CHIC2: variants seen among roughly 807,000 people sequenced by gnomAD.
CHIC2 encodes cysteine rich hydrophobic domain 2.
In CHIC2, 14 loss-of-function variants were observed where a neutral mutation model predicts 25.9. The observed-to-expected ratio is 0.54, with a 90% CI of 0.36 to 0.85. CHIC2 has a LOEUF of 0.85. Among genes scored for constraint, CHIC2 ranks in the 40% least tolerant of loss-of-function variants. CHIC2 has a pLI of 0.01. For missense variants in CHIC2, 146 were observed against 202.0 expected (o/e 0.72, Z 1.68); for synonymous variants, 70 against 72.0 (o/e 0.97, Z 0.14).
At chr4:54,091,356 T>C in the CHIC2 span, among the ~76,000 whole-genome samples, 1 of 152,090 alleles carries the variant, frequency 6.6e-6, no homozygotes, top group Non-Finnish European at 1.5e-5. Context: ...GCGTGCCTAG[T>C]GGGGAGGCGG....
At chr4:54,082,716 C>T in the CHIC2 span, among the ~76,000 whole-genome samples, 2 of 152,150 alleles carry the variant, frequency 1.3e-5, no homozygotes, top group Admixed American at 1.3e-4. Flanking sequence ...ATTCCAGTTC[C>T]ACTGTCAAAT....
chr4:54,041,550 A>G (rs1716578081), intron 3 of CHIC2, among the ~76,000 whole-genome samples: 1 of 152,156 alleles, frequency 6.6e-6, no homozygotes, highest in African/African-American at 2.4e-5. Flanking sequence ...AAGAAATCAC[A>G]GATTCTTCCT....
chr4:54,010,026 G>T lies in CHIC2; in HGVS notation c.*69C>A. The stretch of plus-strand genomic sequence containing the variant: ...TAGAACCAATGTTATGTCACCACCA[G>T]GAGAGCACCAAGCAAGGCACCATTG... On this transcript the variant is annotated 3_prime_UTR_variant, in exon 6 of 6. Coordinates refer to ENST00000263921, the MANE Select transcript of CHIC2 (RefSeq NM_012110.4). 1 of 1,041,970 alleles carries T rather than the reference G, an allele frequency of 9.6e-7. No individual in the cohort carries two copies. Among genetic ancestry groups the T allele is most frequent in the Non-Finnish European group, 1.5e-6 (1 of 678,752 alleles). The allele number at this position is 1,041,970 out of a possible 1,614,324, so 64.5% of individuals were successfully genotyped here. A position where few individuals can be genotyped will look rare whatever the true frequency, so the allele number is the denominator to read the frequency against.
intron 3 of CHIC2, among the ~76,000 whole-genome samples, 163 bp from the exon 4 acceptor site, chr4:54,014,282 CAA>C: frequency 6.6e-6 from 1 of 152,062 alleles, no homozygotes; most frequent in Non-Finnish European, 1.5e-5. Context: ...AACCTGAACA[CAA>C]AAGAGTACTC....
chr4:54,044,435 A>T (rs1313714047), intron 3 of CHIC2, among the ~76,000 whole-genome samples: 1 of 152,192 alleles, frequency 6.6e-6, no homozygotes, highest in East Asian at 1.9e-4. Flanking sequence ...AAAGAACAGA[A>T]ATTATAACAG....
chr4:54,050,583 A>G (rs1716976299), intron 1 of CHIC2, among the ~76,000 whole-genome samples: 1 of 152,154 alleles, frequency 6.6e-6, no homozygotes, highest in Non-Finnish European at 1.5e-5. Flanking sequence ...CAGTCAGGAC[A>G]TACTAGAAGG....
chr4:54,072,625 A>G, the CHIC2 span, among the ~76,000 whole-genome samples: 1 of 152,240 alleles, frequency 6.6e-6, no homozygotes, highest in Non-Finnish European at 1.5e-5. Context: ...AAGGTCTAGA[A>G]CTATGACTTA....
intron 1 of CHIC2, chr4:54,061,025 ATAT>A (rs1468073631): frequency 6.6e-6 from 1 of 152,208 alleles, no homozygotes; most frequent in Admixed American, 6.5e-5. Flanking sequence ...ATGAAGGGAA[ATAT>A]TATACTTAAA....
At chr4:54,019,403 T>C (rs1007814605) in intron 3 of CHIC2, among the ~76,000 whole-genome samples, 3 of 152,158 alleles carry the variant, frequency 2.0e-5, no homozygotes, top group African/African-American at 7.2e-5. Flanking sequence ...TTGTTAAAAG[T>C]AATATTTTTA....
chr4:54,083,726 A>T, the CHIC2 span, among the ~76,000 whole-genome samples: 1 of 152,192 alleles, frequency 6.6e-6, no homozygotes, highest in Non-Finnish European at 1.5e-5. Context: ...GGACTTTGGT[A>T]CTGGACACTA....
intron 3 of CHIC2, among the ~76,000 whole-genome samples, chr4:54,019,695 T>A (rs2110063007): frequency 6.6e-6 from 1 of 152,250 alleles, no homozygotes; most frequent in East Asian, 1.9e-4. Flanking sequence ...ACTAACATTT[T>A]AAAAAACTAA....
At chr4:54,058,296 G>T (rs943266233) in intron 1 of CHIC2, among the ~76,000 whole-genome samples, 1 of 152,082 alleles carries the variant, frequency 6.6e-6, no homozygotes, top group South Asian at 2.1e-4. Context: ...CTCTAAGGTG[G>T]ATATTATCTC....
intron 3 of CHIC2, among the ~76,000 whole-genome samples, chr4:54,023,053 G>A (rs1003381957): frequency 6.6e-6 from 1 of 151,958 alleles, no homozygotes; most frequent in African/African-American, 2.4e-5. Flanking sequence ...AGCAAACCTA[G>A]CTGACCCCAT....
chr4:54,071,778 G>C, the CHIC2 span, among the ~76,000 whole-genome samples: 1 of 147,000 alleles, frequency 6.8e-6, no homozygotes, highest in African/African-American at 2.5e-5. Flanking sequence ...TTCGAGACCA[G>C]CCTGGCCAGC....
the CHIC2 span, chr4:54,087,520 C>A: frequency 8.6e-7 from 1 of 1,168,646 alleles, no homozygotes; most frequent in Non-Finnish European, 1.1e-6. Flanking sequence ...AGCTGCTCTA[C>A]AAATTTGAGA....
At chr4:54,020,329 G>A (rs1339799107) in intron 3 of CHIC2, among the ~76,000 whole-genome samples, 1 of 152,098 alleles carries the variant, frequency 6.6e-6, no homozygotes, top group African/African-American at 2.4e-5. Flanking sequence ...TCCACCCCCT[G>A]CCACAAAACA....
chr4:54,050,474 T>C (rs1466199032), intron 1 of CHIC2, among the ~76,000 whole-genome samples: 2 of 152,088 alleles, frequency 1.3e-5, no homozygotes, highest in Non-Finnish European at 2.9e-5. Flanking sequence ...AAACCCTCAA[T>C]CTGTTGATCT....
intron 3 of CHIC2, among the ~76,000 whole-genome samples, chr4:54,021,659 C>T (rs550994513): frequency 2.2e-4 from 33 of 152,158 alleles, no homozygotes; most frequent in African/African-American, 6.0e-4. Context: ...TTTCTTTATC[C>T]GACCTCTCCC....
At chr4:54,068,362 A>G (rs1717558093), upstream of CHIC2, among the ~76,000 whole-genome samples, 1 of 152,184 alleles carries the variant, frequency 6.6e-6, no homozygotes, top group African/African-American at 2.4e-5. Flanking sequence ...GAGGCCCCAG[A>G]GAGCTGGTTT....
Sources: gnomAD v4.1 joint callset for allele counts (sites outside exome capture counted in the v4.1 genomes callset) on GRCh38, gnomAD v4.1.1 for gene constraint, MANE v1.5 for transcripts, NCBI Gene and HGNC (gene_info 2026-07-23, HGNC 2026-07-21) for gene names.